The following SMYD3 variants were observed in gnomAD, a reference collection of about 807,000 sequenced individuals.
The protein encoded by SMYD3 is SET and MYND domain containing 3, also known as histone-lysine N-methyltransferase SMYD3.
A neutral mutation model predicts 57.7 loss-of-function variants in SMYD3; 36 were observed. The observed-to-expected ratio is 0.62, with a 90% CI of 0.48 to 0.82. The LOEUF (loss-of-function observed/expected upper bound fraction) is 0.82, where lower values mean the gene tolerates loss of function less well. Ranked by LOEUF, SMYD3 falls within the 40% of genes least tolerant of loss-of-function variation. The pLI is 0.00. For missense variants in SMYD3, 515 were observed against 538.8 expected (o/e 0.96, Z 0.44); for synonymous variants, 211 against 195.0 (o/e 1.08, Z -0.68).
At chr1:246,230,864 T>C (rs1310496897) in intron 5 of SMYD3, among the ~76,000 whole-genome samples, 5 of 152,230 alleles carry the variant, frequency 3.3e-5, no homozygotes. Flanking sequence ...AGTAGTCAAA[T>C]GTGGCTACTG....
intron 10 of SMYD3, among the ~76,000 whole-genome samples, chr1:245,793,085 T>TA (rs1553323445): frequency 6.8e-6 from 1 of 146,360 alleles, no homozygotes. Flanking sequence ...CCGAGGCGGG[T>TA]GATCACGAAA....
chr1:246,172,931 T>G (rs1267441299), intron 5 of SMYD3, among the ~76,000 whole-genome samples: 41 of 133,820 alleles, frequency 3.1e-4, no homozygotes, highest in East Asian at 1.1e-3. Context: ...TACACACTTA[T>G]GCTACACAGG....
intron 11 of SMYD3, among the ~76,000 whole-genome samples, chr1:245,751,522 G>GAGAGAA (rs149058110): frequency 0.29 from 42,435 of 145,864 alleles, 6,456 homozygotes; most frequent in East Asian, 0.57. Flanking sequence ...TTGCTGCTGA[G>GAGAGAA]AGAGAGAGAA....
chr1:245,911,921 G>C (rs917111430), intron 8 of SMYD3, among the ~76,000 whole-genome samples: 2 of 152,016 alleles, frequency 1.3e-5, no homozygotes, highest in African/African-American at 4.8e-5. Context: ...TGAGGAGATG[G>C]ATCTCCCAGT....
chr1:245,833,315 C>T (rs951808775), intron 10 of SMYD3, among the ~76,000 whole-genome samples: 8 of 152,166 alleles, frequency 5.3e-5, no homozygotes, highest in Non-Finnish European at 1.0e-4. Context: ...CATCTACCCA[C>T]GTCTCTTTTA....
At chr1:246,180,878 C>G (rs1054704916) in intron 5 of SMYD3, among the ~76,000 whole-genome samples, 1 of 149,642 alleles carries the variant, frequency 6.7e-6, no homozygotes, top group Non-Finnish European at 1.5e-5. Context: ...AAACACTCCC[C>G]AGAACTGACA....
At chr1:245,923,601 T>C (rs1371182351) in intron 7 of SMYD3, among the ~76,000 whole-genome samples, 1 of 152,206 alleles carries the variant, frequency 6.6e-6, no homozygotes, top group African/African-American at 2.4e-5. Context: ...ATGTCTACAA[T>C]GCCTTTTCCA....
At chr1:246,221,701 G>A (rs1174750277) in intron 5 of SMYD3, among the ~76,000 whole-genome samples, 2 of 152,190 alleles carry the variant, frequency 1.3e-5, no homozygotes, top group Middle Eastern at 3.2e-3. Flanking sequence ...AGCAGCAGCT[G>A]GTGTGTCTGA....
chr1:246,424,435 A>G (rs1027371658), intron 1 of SMYD3, among the ~76,000 whole-genome samples: 1 of 152,148 alleles, frequency 6.6e-6, no homozygotes, highest in African/African-American at 2.4e-5. Flanking sequence ...AAATAAATAA[A>G]TAAGTAAACT....
intron 1 of SMYD3, among the ~76,000 whole-genome samples, chr1:246,493,249 G>A (rs1485295242): frequency 1.3e-5 from 2 of 152,002 alleles, no homozygotes; most frequent in African/African-American, 2.4e-5. Flanking sequence ...AGGATCACTT[G>A]AGGCCAGGAG....
At chr1:246,498,575 C>T (rs1030859009) in intron 1 of SMYD3, among the ~76,000 whole-genome samples, 2 of 151,848 alleles carry the variant, frequency 1.3e-5, no homozygotes, top group African/African-American at 4.8e-5. Context: ...ACTAAAAATA[C>T]AAAAAATTAG....
intron 10 of SMYD3, among the ~76,000 whole-genome samples, chr1:245,841,378 A>G (rs1031440616): frequency 6.6e-6 from 1 of 152,180 alleles, no homozygotes; most frequent in Admixed American, 6.5e-5. Context: ...ACATTTCTGG[A>G]TATCATTTTT....
chr1:245,984,782 AT>A (rs1203064905), intron 5 of SMYD3, among the ~76,000 whole-genome samples: 1 of 152,150 alleles, frequency 6.6e-6, no homozygotes. Context: ...ACATGTTCAA[AT>A]TTGTCATCTT....
chr1:245,991,034 C>T (rs10924428), intron 5 of SMYD3, among the ~76,000 whole-genome samples: 77,663 of 152,098 alleles, frequency 0.51, 23,533 homozygotes, highest in Middle Eastern at 0.69. Context: ...AAAGAAAATT[C>T]TAACAATTAC....
chr1:245,928,024 C>CAAAGAGAT lies in SMYD3; in HGVS notation c.601_608dup (p.Leu204SerfsTer43). 1 of 1,610,340 alleles carries CAAAGAGAT rather than the reference C, an allele frequency of 6.2e-7. No homozygotes were observed. The highest frequency in any genetic ancestry group is 2.2e-5 in the East Asian group (1 of 44,712). ...AGTTGGGGTCACAGCTGTGATTGAGCAAAGAGATACTGGAAAAAAAAAGGG... is the reference window on the plus strand; with the variant it reads ...AGTTGGGGTCACAGCTGTGATTGAGCAAAGAGATAAAGAGATACTGGAAAAAAAAAGGG... On this transcript the variant is annotated frameshift_variant, in exon 7 of 12. Transcript: ENST00000490107. LOFTEE classifies it high-confidence loss of function.
intron 5 of SMYD3, among the ~76,000 whole-genome samples, chr1:246,097,872 A>G (rs1372466001): frequency 1.3e-5 from 2 of 152,092 alleles, no homozygotes; most frequent in African/African-American, 4.8e-5. Flanking sequence ...TTTCCTTCCC[A>G]AGTATATTTC....
chr1:246,461,573 A>T (rs971680951), intron 1 of SMYD3, among the ~76,000 whole-genome samples: 1 of 151,988 alleles, frequency 6.6e-6, no homozygotes, highest in Non-Finnish European at 1.5e-5. Context: ...TTTGCTAGAG[A>T]GAATTAGGTA....
chr1:245,899,979 T>C (rs550915319), intron 8 of SMYD3, among the ~76,000 whole-genome samples: 8 of 152,298 alleles, frequency 5.3e-5, no homozygotes, highest in African/African-American at 1.7e-4. Flanking sequence ...CCTGAAACTA[T>C]ACCATGGCTC....
At chr1:246,427,518 T>TC (rs2067236793) in intron 1 of SMYD3, among the ~76,000 whole-genome samples, 1 of 40,828 alleles carries the variant, frequency 2.4e-5, no homozygotes, top group Non-Finnish European at 5.8e-5. Context: ...AGACTCCGTC[T>TC]CAAAAAAAAA....
Sources: gnomAD v4.1 joint callset for allele counts (sites outside exome capture counted in the v4.1 genomes callset) on GRCh38, gnomAD v4.1.1 for gene constraint, MANE v1.5 for transcripts, NCBI Gene and HGNC (gene_info 2026-07-23, HGNC 2026-07-21) for gene names.